PDE10A: variants seen among roughly 807,000 people sequenced by gnomAD.
The protein encoded by PDE10A is phosphodiesterase 10A.
A neutral mutation model predicts 97.7 loss-of-function variants in PDE10A; 39 were observed. The ratio of observed to expected loss-of-function variants is 0.40; its 90% CI spans 0.31 to 0.52. The LOEUF (loss-of-function observed/expected upper bound fraction) is 0.52, where lower values mean the gene tolerates loss of function less well. PDE10A is among the 20% of genes least tolerant of loss of function. The pLI is 0.56. For missense variants in PDE10A, 731 were observed against 1,047.8 expected, an observed-to-expected ratio of 0.70 and a Z score of 4.17; for synonymous variants, 371 against 376.8, an observed-to-expected ratio of 0.98 and a Z score of 0.18.
intron 1 of PDE10A, among the ~76,000 whole-genome samples, chr6:165,807,523 G>A (rs551076842): frequency 2.0e-5 from 3 of 152,272 alleles, no homozygotes; most frequent in Non-Finnish European, 2.9e-5. Flanking sequence ...GAAAGGGAAG[G>A]TTGAGAGCCT....
At chr6:165,430,752 C>G (rs906562025) in intron 8 of PDE10A, among the ~76,000 whole-genome samples, 1 of 152,120 alleles carries the variant, frequency 6.6e-6, no homozygotes, top group Admixed American at 6.6e-5. Context: ...TCCACCTACA[C>G]CTGATAATTC....
At chr6:165,932,116 G>A (rs1021023632) in intron 1 of PDE10A, among the ~76,000 whole-genome samples, 10 of 152,146 alleles carry the variant, frequency 6.6e-5, no homozygotes, top group African/African-American at 9.7e-5. Flanking sequence ...TATACCGCCC[G>A]CTGAAGAGGT....
At chr6:165,826,869 G>A (rs768442265) in intron 1 of PDE10A, among the ~76,000 whole-genome samples, 1 of 151,824 alleles carries the variant, frequency 6.6e-6, no homozygotes, top group Non-Finnish European at 1.5e-5. Flanking sequence ...CACTGAGGGA[G>A]GGGCACAGTG....
At chr6:165,620,838 T>G (rs144048676) in intron 1 of PDE10A, among the ~76,000 whole-genome samples, 1,696 of 152,064 alleles carry the variant, frequency 0.011, 20 homozygotes, top group Admixed American at 0.026. Context: ...CTGGCCAACA[T>G]GGTGAAACCC....
At chr6:165,555,265 T>A (rs1218108078) in intron 1 of PDE10A, among the ~76,000 whole-genome samples, 1 of 152,096 alleles carries the variant, frequency 6.6e-6, no homozygotes, top group Non-Finnish European at 1.5e-5. Flanking sequence ...TGTATCAAAA[T>A]CTCTCACGTA....
intron 1 of PDE10A, among the ~76,000 whole-genome samples, chr6:165,648,307 C>T (rs568920660): frequency 5.9e-5 from 9 of 152,210 alleles, no homozygotes; most frequent in African/African-American, 1.4e-4. Flanking sequence ...CCACCACGCC[C>T]GGCCTTACAT....
At chr6:165,658,896 C>T (rs966087103) in intron 1 of PDE10A, among the ~76,000 whole-genome samples, 1 of 152,190 alleles carries the variant, frequency 6.6e-6, no homozygotes, top group African/African-American at 2.4e-5. Context: ...TGGCCACTGA[C>T]CCCTGGGCAT....
intron 1 of PDE10A, among the ~76,000 whole-genome samples, chr6:165,955,724 A>T (rs1035080739): frequency 9.2e-5 from 14 of 152,242 alleles, no homozygotes; most frequent in African/African-American, 3.4e-4. Flanking sequence ...ACTATGCAAG[A>T]CCAGAGAATT....
intron 1 of PDE10A, chr6:165,780,869 T>A (rs190019495): frequency 1.3e-5 from 2 of 152,348 alleles, no homozygotes; most frequent in Non-Finnish European, 2.9e-5. Flanking sequence ...ATTCCCTTTA[T>A]TGGTGCATTT....
intron 12 of PDE10A, among the ~76,000 whole-genome samples, chr6:165,414,309 T>A (rs1287588617): frequency 6.6e-6 from 1 of 152,208 alleles, no homozygotes; most frequent in Non-Finnish European, 1.5e-5. Flanking sequence ...ACTGACCATA[T>A]GATCCTTAAT....
intron 1 of PDE10A, among the ~76,000 whole-genome samples, chr6:165,704,215 A>G (rs1296123942): frequency 6.6e-6 from 1 of 152,164 alleles, no homozygotes; most frequent in African/African-American, 2.4e-5. Flanking sequence ...CCACAGCCAG[A>G]TGATCAGGCT....
At chr6:165,411,086 CAAA>C (rs71026688) in intron 13 of PDE10A, among the ~76,000 whole-genome samples, 62 of 43,076 alleles carry the variant, frequency 1.4e-3, no homozygotes, top group African/African-American at 4.8e-3. Flanking sequence ...GACTCCGCCT[CAAA>C]AAAAAAAAAA....
At chr6:165,426,969 T>A (rs2128235762) in intron 10 of PDE10A, among the ~76,000 whole-genome samples, 1 of 152,150 alleles carries the variant, frequency 6.6e-6, no homozygotes, top group Non-Finnish European at 1.5e-5. Flanking sequence ...TAATAGTAAG[T>A]GTTGGTGAGG....
chr6:165,842,524 G>A (rs1411166463), intron 1 of PDE10A, among the ~76,000 whole-genome samples: 3 of 152,242 alleles, frequency 2.0e-5, no homozygotes, highest in Non-Finnish European at 2.9e-5. Context: ...AGTTAAATGA[G>A]TAACAGAGAG....
chr6:165,422,476 C>T (rs569169701), intron 10 of PDE10A, among the ~76,000 whole-genome samples: 15 of 148,286 alleles, frequency 1.0e-4, no homozygotes, highest in South Asian at 2.2e-4. Flanking sequence ...TACACACATA[C>T]GCATACACAC....
intron 1 of PDE10A, among the ~76,000 whole-genome samples, chr6:165,760,302 C>T (rs1793219100): frequency 6.6e-6 from 1 of 152,150 alleles, no homozygotes. Flanking sequence ...TGAAGCCTGG[C>T]CAACCTCTCC....
At chr6:165,897,076 A>C (rs372886097) in intron 1 of PDE10A, among the ~76,000 whole-genome samples, 12 of 152,212 alleles carry the variant, frequency 7.9e-5, no homozygotes, top group African/African-American at 2.9e-4. Flanking sequence ...CTGTTGGGCA[A>C]AAATATGGGC....
chr6:165,333,075 A>C lies in PDE10A; in HGVS notation c.3118T>G (p.Trp1040Gly). 1.9e-6 allele frequency: 3 copies of C among 1,613,262 alleles called. No homozygotes were observed. The highest frequency in any genetic ancestry group is 2.5e-6 in the Non-Finnish European group (3 of 1,179,244). The stretch of plus-strand genomic sequence containing the variant: ...TGAGCCACGGATGGGGATGAAATCC[A>C]GGTTGCAGTCTCCTCCCCTCGAATC... ...KVIRGEETATWISSPSVAQKA... is the reference protein window; with the variant it reads ...KVIRGEETATGISSPSVAQKA... Residue 1040 changes from tryptophan (W) to glycine (G), a missense_variant, in exon 22 of 22, where the codon TGG becomes GGG. Coordinates refer to ENST00000539869, the MANE Select transcript of PDE10A (RefSeq NM_001385079.1).
intron 1 of PDE10A, among the ~76,000 whole-genome samples, chr6:165,723,126 C>T (rs1373924674): frequency 6.6e-6 from 1 of 152,060 alleles, no homozygotes; most frequent in Admixed American, 6.6e-5. Context: ...CTAGTTGTGG[C>T]CTGAGACAAA....
Sources: gnomAD v4.1 joint callset for allele counts (sites outside exome capture counted in the v4.1 genomes callset) on GRCh38, gnomAD v4.1.1 for gene constraint, MANE v1.5 for transcripts, NCBI Gene and HGNC (gene_info 2026-07-23, HGNC 2026-07-21) for gene names.